CREB3L1: variants seen among roughly 807,000 people sequenced by gnomAD.
CREB3L1 encodes the protein cAMP responsive element binding protein 3 like 1.
A neutral mutation model predicts 54.5 loss-of-function variants in CREB3L1; 33 were observed. The observed-to-expected ratio is 0.61, with a 90% CI of 0.46 to 0.81. CREB3L1 has a LOEUF of 0.81. Ranked by LOEUF, CREB3L1 falls within the 30% of genes least tolerant of loss-of-function variation. The pLI, the probability that CREB3L1 is intolerant of heterozygous loss-of-function variation, is 0.00. For synonymous variants in CREB3L1, 284 were observed against 286.4 expected (o/e 0.99, Z 0.08); for missense variants, 656 against 673.3 (o/e 0.97, Z 0.29).
intron 1 of CREB3L1, among the ~76,000 whole-genome samples, chr11:46,294,405 C>T (rs1202178488): frequency 6.6e-6 from 1 of 152,144 alleles, no homozygotes; most frequent in Non-Finnish European, 1.5e-5. Context: ...AAAAGGCCCA[C>T]GTTCTGAAGA....
intron 2 of CREB3L1, 94 bp from the exon 3 acceptor site, chr11:46,307,722 C>G (rs1402983060): frequency 1.8e-6 from 2 of 1,093,572 alleles, no homozygotes; most frequent in Admixed American, 3.3e-5. Flanking sequence ...ACCCTAACAG[C>G]TCTCTTCAGT....
At chr11:46,305,585 T>C (rs187198925) in intron 2 of CREB3L1, among the ~76,000 whole-genome samples, 3,186 of 148,958 alleles carry the variant, frequency 0.021, 45 homozygotes, top group Non-Finnish European at 0.031. Context: ...TATATATATA[T>C]GTATATATAC....
At chr11:46,296,450 TTTTCTCTAC>T (rs1939212555) in intron 1 of CREB3L1, among the ~76,000 whole-genome samples, 1 of 151,570 alleles carries the variant, frequency 6.6e-6, no homozygotes, top group South Asian at 2.1e-4. Flanking sequence ...TGGACTGGAG[TTTTCTCTAC>T]TAAGAAATAG....
chr11:46,312,729 G>C (rs1461052498), intron 7 of CREB3L1, 59 bp downstream of exon 7: 1 of 1,571,036 alleles, frequency 6.4e-7, no homozygotes, highest in African/African-American at 1.4e-5. Flanking sequence ...CCTCCCCTAG[G>C]CCCTCCCTCA....
chr11:46,292,223 C>G (rs1566182176), intron 1 of CREB3L1, among the ~76,000 whole-genome samples: 1 of 152,112 alleles, frequency 6.6e-6, no homozygotes, highest in Non-Finnish European at 1.5e-5. Flanking sequence ...AGGGAGGAGC[C>G]GAGGGAAGGG....
intron 2 of CREB3L1, among the ~76,000 whole-genome samples, chr11:46,303,875 A>G (rs1939336753): frequency 6.6e-6 from 1 of 152,024 alleles, no homozygotes; most frequent in Non-Finnish European, 1.5e-5. Flanking sequence ...GCATGGTGGC[A>G]CATGCCTGTA....
chr11:46,289,108 T>C (rs1479646702), intron 1 of CREB3L1, among the ~76,000 whole-genome samples: 2 of 152,138 alleles, frequency 1.3e-5, no homozygotes, highest in African/African-American at 4.8e-5. Context: ...CCAGGCGCGG[T>C]GGCTCACGCC....
intron 8 of CREB3L1, 91 bp downstream of exon 8, chr11:46,313,010 G>A (rs987775932): frequency 4.1e-6 from 4 of 982,714 alleles, no homozygotes; most frequent in Non-Finnish European, 6.0e-6. Flanking sequence ...GGGGAGAGGA[G>A]AGAGAACTAA....
chr11:46,292,472 C>T (rs911318066), intron 1 of CREB3L1, among the ~76,000 whole-genome samples: 1 of 152,164 alleles, frequency 6.6e-6, no homozygotes, highest in African/African-American at 2.4e-5. Flanking sequence ...GAATTGGACA[C>T]AGCAAGACAT....
chr11:46,306,566 A>T (rs1939399952), intron 2 of CREB3L1, among the ~76,000 whole-genome samples: 1 of 151,388 alleles, frequency 6.6e-6, no homozygotes, highest in Admixed American at 6.6e-5. Context: ...CATTTGCTTT[A>T]GGATAAAGTC....
At position 46,320,732 on chromosome 11, in the gene CREB3L1, A is replaced by G. The variant is rs1283587422; in HGVS notation, c.1546A>G (p.Ile516Val). 3.1e-6 allele frequency: 5 copies of G among 1,612,280 alleles called. 1 individual carries two copies. The highest frequency in any genetic ancestry group is 2.5e-6 in the Non-Finnish European group (3 of 1,179,324). The change falls in exon 12 of 12, where the codon ATC (isoleucine) becomes GTC (valine). Residue 516 changes from isoleucine to valine, a missense_variant. Around this residue, in one of 3 missense-constraint regions of CREB3L1, gnomAD observed 240 missense variants for 219.8 expected, o/e 1.09. Coordinates refer to ENST00000621158, the MANE Select transcript of CREB3L1 (RefSeq NM_052854.4). The part of the protein sequence containing the change: ...HDRDLGPNTT[I>V]KLS ...CAGGGATCTGGGCCCCAACACCACC[A>G]TCAAACTCTCCTAGGCCATGCCAAG...
At position 46,320,472 on chromosome 11, in the gene CREB3L1, CG is replaced by C; in HGVS notation, c.1469del (p.Gly490ValfsTer81). 6.3e-7 allele frequency: 1 copy of C among 1,599,904 alleles called. No individual in the cohort carries two copies. The highest frequency in any genetic ancestry group is 8.5e-7 in the Non-Finnish European group (1 of 1,173,430). ...ACCTGAGTGAGGCCTGGCCTAAAGA[CG>C]GTGGAAACGGCACCAGCCCCGACTT... ...KYLSEAWPKD[G>X]GNGTSPDFSH... On this transcript the variant is annotated frameshift_variant, in exon 11 of 12. Coordinates refer to ENST00000621158, the MANE Select transcript of CREB3L1 (RefSeq NM_052854.4). LOFTEE classifies it high-confidence loss of function.
chr11:46,312,175 T>C (rs1421604406), intron 5 of CREB3L1, 150 bp from the exon 6 acceptor site: 5 of 671,752 alleles, frequency 7.4e-6, no homozygotes, highest in Non-Finnish European at 1.2e-5. Flanking sequence ...TGTTACTGAA[T>C]TTCACCCAGA....
rs537519413 is a variant in CREB3L1, at chr11:46,278,437, G to A, written c.102+224G>A. 1.8e-3 allele frequency among the ~76,000 whole-genome samples: 274 copies of A among 152,346 alleles called. 1 individual carries two copies. In the Middle Eastern group the frequency reaches 0.02, roughly 11 times the overall value. ...CCTTCTAGGGGGAAGGGGCCATCGA[G>A]GTATCGGGTCCGTCCGATCCTCGGA... On this transcript the variant is annotated intron_variant, in intron 1 of 11. Coordinates refer to ENST00000621158, the MANE Select transcript of CREB3L1 (RefSeq NM_052854.4). The surrounding 1 kb of genome is among the most constrained non-coding windows in gnomAD (Gnocchi z 4.2).
Position 46,299,951 on chromosome 11 carries a change from T to C in CREB3L1, c.119T>C (p.Leu40Pro). 2 of 1,613,852 alleles carry C rather than the reference T, an allele frequency of 1.2e-6. No individual in the cohort carries two copies. The highest frequency in any genetic ancestry group is 1.1e-5 in the South Asian group (1 of 91,050). The change falls in exon 2 of 12, where the codon CTG (leucine) becomes CCG (proline). Residue 40 changes from leucine (L) to proline (P), a missense_variant. Leu to Pro is a moderately conservative substitution (Grantham distance 98). Transcript: ENST00000621158. ...FLNNAHFPEHLDHFTENMEDF... is the reference protein window; with the variant it reads ...FLNNAHFPEHPDHFTENMEDF... ...CTTCCCTAGCACTTTCCTGAGCACC[T>C]GGACCACTTTACGGAGAACATGGAG...
intron 2 of CREB3L1, among the ~76,000 whole-genome samples, chr11:46,303,309 C>A (rs1278518076): frequency 6.6e-6 from 1 of 152,038 alleles, no homozygotes; most frequent in Non-Finnish European, 1.5e-5. Context: ...TATATATATA[C>A]AAAATACCCT....
chr11:46,310,170 C>A, intron 4 of CREB3L1, 103 bp downstream of exon 4: 1 of 826,930 alleles, frequency 1.2e-6, no homozygotes, highest in Non-Finnish European at 2.0e-6. Flanking sequence ...CAACCTTCCC[C>A]CACCCAGAAT....
At chr11:46,317,338 T>C (rs747516001) in intron 9 of CREB3L1, 23 bp from the exon 10 acceptor site, 2 of 1,613,892 alleles carry the variant, frequency 1.2e-6, no homozygotes, top group South Asian at 2.2e-5. Flanking sequence ...CCAGATCTGA[T>C]GCCACTCTCT....
At chr11:46,293,258 C>T (rs527833681) in intron 1 of CREB3L1, among the ~76,000 whole-genome samples, 86 of 152,362 alleles carry the variant, frequency 5.6e-4, no homozygotes, top group Non-Finnish European at 9.3e-4. Flanking sequence ...GCAGCCAGAC[C>T]GTGGGCTGCT....
Sources: gnomAD v4.1 joint callset for allele counts (sites outside exome capture counted in the v4.1 genomes callset) on GRCh38, gnomAD v4.1.1 for gene constraint, gnomAD v4.1.1 regional missense constraint, Gnocchi (gnomAD v3.1) non-coding constraint, MANE v1.5 for transcripts, NCBI Gene and HGNC (gene_info 2026-07-23, HGNC 2026-07-21) for gene names.